Variants in TBC1D19 observed in about 807,000 individuals in gnomAD.
The protein encoded by TBC1D19 is TBC1 domain family, member 19.
A neutral mutation model predicts 89.0 loss-of-function variants in TBC1D19; 60 were observed. That is an observed-to-expected ratio of 0.67 (90% CI 0.55 to 0.84). TBC1D19 has a LOEUF of 0.84. Ranked by LOEUF, TBC1D19 falls within the 40% of genes least tolerant of loss-of-function variation. The pLI, the probability that TBC1D19 is intolerant of heterozygous loss-of-function variation, is 0.00. For synonymous variants in TBC1D19, 189 were observed against 199.7 expected, an observed-to-expected ratio of 0.95 and a Z score of 0.45; for missense variants, 500 against 610.8, an observed-to-expected ratio of 0.82 and a Z score of 1.91.
chr4:26,719,702 G>A (rs890739248), intron 14 of TBC1D19, among the ~76,000 whole-genome samples: 1 of 152,072 alleles, frequency 6.6e-6, no homozygotes, highest in Admixed American at 6.6e-5. Context: ...TTCCATAAAA[G>A]TGTACACACA....
chr4:26,813,264 A>G, the TBC1D19 span, among the ~76,000 whole-genome samples: 3 of 149,924 alleles, frequency 2.0e-5, no homozygotes, highest in Admixed American at 2.0e-4. Context: ...CAAACAAACG[A>G]AAAAAAAGAA....
chr4:26,627,574 TTG>T (rs1158244303), intron 4 of TBC1D19, among the ~76,000 whole-genome samples: 88 of 152,264 alleles, frequency 5.8e-4, no homozygotes, highest in Non-Finnish European at 1.0e-3. Flanking sequence ...TTTTTAATGA[TTG>T]CCATTCTAAC....
downstream of TBC1D19, among the ~76,000 whole-genome samples, chr4:26,759,937 T>C (rs1719404452): frequency 6.6e-6 from 1 of 152,244 alleles, no homozygotes; most frequent in African/African-American, 2.4e-5. Context: ...CAAGCCTTCA[T>C]GTGGACATAT....
chr4:26,726,178 C>T (rs1165319385), intron 15 of TBC1D19, among the ~76,000 whole-genome samples: 16 of 121,732 alleles, frequency 1.3e-4, no homozygotes, highest in Admixed American at 9.4e-4. Context: ...CACACACACA[C>T]ATCAGGAAAC....
chr4:26,851,346 TATCTATCTATCTATC>T, the TBC1D19 span, among the ~76,000 whole-genome samples: 6 of 150,884 alleles, frequency 4.0e-5, no homozygotes, highest in South Asian at 4.2e-4. Flanking sequence ...TCTATCTATC[TATCTATCTATCTATC>T]ATCTATCCAT....
At chr4:26,645,510 T>G (rs1157061408) in intron 7 of TBC1D19, among the ~76,000 whole-genome samples, 1 of 152,014 alleles carries the variant, frequency 6.6e-6, no homozygotes, top group Non-Finnish European at 1.5e-5. Flanking sequence ...TAATTCAAGA[T>G]TGATTAAAGA....
rs16878554 is a variant in TBC1D19, at chr4:26,673,650, A to C, written c.704-126A>C. 39 of 688,960 alleles carry C rather than the reference A, an allele frequency of 5.7e-5. No homozygotes were observed. The African/African-American group carries it at 5.9e-4, about 10-fold the overall frequency. 42.7% of individuals were successfully genotyped at this position (688,960 alleles called of 1,614,324 possible). ...AGAGAATAAATTTTAAAAGGTAAAGATACGGTGTAATTATGTTAGATAGAA... is the reference window on the plus strand; with the variant it reads ...AGAGAATAAATTTTAAAAGGTAAAGCTACGGTGTAATTATGTTAGATAGAA... On this transcript the variant is annotated intron_variant, in intron 10 of 20. Coordinates refer to ENST00000264866, the MANE Select transcript of TBC1D19 (RefSeq NM_018317.4).
chr4:26,820,609 G>A, the TBC1D19 span, among the ~76,000 whole-genome samples: 1 of 152,170 alleles, frequency 6.6e-6, no homozygotes, highest in Non-Finnish European at 1.5e-5. Flanking sequence ...TGGGCACTGA[G>A]GCTCTTGTGA....
rs554887762 is a variant in TBC1D19 at position 26,728,549 on chromosome 4, A to G, written c.1085-6906A>G. Among the ~76,000 whole-genome samples, 185 of 152,340 alleles carry G rather than the reference A, an allele frequency of 1.2e-3. 1 individual carries two copies. Among genetic ancestry groups the G allele is most frequent in the Non-Finnish European group, 2.1e-3 (140 of 68,038 alleles). ...GATGGGCGGAAGAAAAAGAGACTCAACCAAAGAATATAGAGAAAGACTTGA... is the reference window on the plus strand; with the variant it reads ...GATGGGCGGAAGAAAAAGAGACTCAGCCAAAGAATATAGAGAAAGACTTGA... On this transcript the variant is annotated intron_variant, in intron 15 of 20. Coordinates refer to ENST00000264866, the MANE Select transcript of TBC1D19 (RefSeq NM_018317.4).
At chr4:26,771,082 C>T in the TBC1D19 span, among the ~76,000 whole-genome samples, 1 of 151,644 alleles carries the variant, frequency 6.6e-6, no homozygotes, top group Admixed American at 6.6e-5. Context: ...GGTCAACAGA[C>T]ATATGAAAAG....
chr4:26,668,321 G>T (rs1711992184), intron 9 of TBC1D19, among the ~76,000 whole-genome samples: 1 of 151,882 alleles, frequency 6.6e-6, no homozygotes, highest in Non-Finnish European at 1.5e-5. Context: ...AAATCTCATA[G>T]TATCTATGCT....
At chr4:26,650,241 C>G (rs1308240258) in intron 7 of TBC1D19, among the ~76,000 whole-genome samples, 5 of 152,022 alleles carry the variant, frequency 3.3e-5, no homozygotes, top group Admixed American at 1.3e-4. Flanking sequence ...AATGGAATGG[C>G]TGGGTCAAAT....
At chr4:26,838,647 C>T in the TBC1D19 span, among the ~76,000 whole-genome samples, 1 of 152,268 alleles carries the variant, frequency 6.6e-6, no homozygotes, top group African/African-American at 2.4e-5. Context: ...TAGGCCACAG[C>T]GGGAGGGAGC....
the TBC1D19 span, among the ~76,000 whole-genome samples, chr4:26,771,656 G>A: frequency 6.6e-6 from 1 of 152,142 alleles, no homozygotes; most frequent in Non-Finnish European, 1.5e-5. Flanking sequence ...GGGGATGGGG[G>A]AGGGTGAAAT....
chr4:26,594,341 G>A (rs1740047182), intron 1 of TBC1D19, among the ~76,000 whole-genome samples: 1 of 152,118 alleles, frequency 6.6e-6, no homozygotes, highest in East Asian at 1.9e-4. Context: ...GGCCTGTTGT[G>A]GGGTTGGTGG....
chr4:26,651,710 C>T (rs1744399909), intron 7 of TBC1D19, among the ~76,000 whole-genome samples: 1 of 152,144 alleles, frequency 6.6e-6, no homozygotes, highest in Non-Finnish European at 1.5e-5. Flanking sequence ...TTATTTCCTT[C>T]TCCTGCCTGA....
intron 13 of TBC1D19, among the ~76,000 whole-genome samples, chr4:26,703,359 GT>G (rs1363632031): frequency 6.6e-6 from 1 of 152,040 alleles, no homozygotes; most frequent in African/African-American, 2.4e-5. Flanking sequence ...ATTGAGTTCT[GT>G]TTTTTCCTTT....
intron 13 of TBC1D19, among the ~76,000 whole-genome samples, chr4:26,694,438 C>G (rs1714586845): frequency 6.6e-6 from 1 of 152,202 alleles, no homozygotes. Flanking sequence ...CTCAAGGAGG[C>G]CTGCCTGCCT....
rs1233128244 is a variant in TBC1D19 at position 26,742,693 on chromosome 4, A to G, written c.1319+94A>G. On this transcript the variant is annotated intron_variant, in intron 18 of 20. Coordinates refer to ENST00000264866, the MANE Select transcript of TBC1D19 (RefSeq NM_018317.4). Reference sequence around the variant, plus strand: ...AGCACTTGCAAATACGTAATTTTTCAGAGACATTAAGCTAACAGTTTTCCT... The same window carrying G: ...AGCACTTGCAAATACGTAATTTTTCGGAGACATTAAGCTAACAGTTTTCCT... 9.0e-5 allele frequency: 75 copies of G among 830,498 alleles called. 1 individual carries two copies. The highest frequency in any genetic ancestry group is 7.4e-6 in the Non-Finnish European group (4 of 541,230). The allele number at this position is 830,498 out of a possible 1,614,324, so 51.4% of individuals were successfully genotyped here.
Sources: allele counts gnomAD v4.1 joint callset (sites outside exome capture counted in the v4.1 genomes callset), GRCh38; gene constraint gnomAD v4.1.1; transcripts MANE v1.5; gene names NCBI Gene and HGNC (gene_info 2026-07-23, HGNC 2026-07-21).